Variants in NALCN observed in about 807,000 individuals in gnomAD.
NALCN encodes sodium leak channel NALCN.
Under a neutral mutation model 225.3 loss-of-function variants are expected in NALCN, and 111 were observed. That is an observed-to-expected ratio of 0.49 (90% CI 0.42 to 0.58). The LOEUF is 0.58. Ranked by LOEUF, NALCN falls within the 20% of genes least tolerant of loss-of-function variation. The pLI is 0.00. For missense variants in NALCN, 1,378 were observed against 2,202.4 expected (o/e 0.63, Z 7.49); for synonymous variants, 764 against 769.0 (o/e 0.99, Z 0.11).
intron 7 of NALCN, among the ~76,000 whole-genome samples, chr13:101,343,127 C>T (rs1048209907): frequency 1.3e-5 from 2 of 152,078 alleles, no homozygotes; most frequent in Non-Finnish European, 2.9e-5. Context: ...TTATTTTCCT[C>T]ATTTTGGGCA....
intron 6 of NALCN, among the ~76,000 whole-genome samples, chr13:101,350,864 C>T (rs1263690607): frequency 6.6e-6 from 1 of 152,162 alleles, no homozygotes; most frequent in Non-Finnish European, 1.5e-5. Flanking sequence ...CTTTGGCCTG[C>T]CACATCAGCT....
At chr13:101,201,068 A>G (rs1471610408) in intron 13 of NALCN, among the ~76,000 whole-genome samples, 2 of 152,232 alleles carry the variant, frequency 1.3e-5, no homozygotes, top group African/African-American at 4.8e-5. Flanking sequence ...GTGCATATAA[A>G]TGCTTGAAAG....
chr13:101,411,337 G>C (rs2047778452), intron 1 of NALCN, among the ~76,000 whole-genome samples: 1 of 142,996 alleles, frequency 7.0e-6, no homozygotes, highest in South Asian at 2.3e-4. Flanking sequence ...CCTAAAATAA[G>C]CATCAGACTT....
At chr13:101,354,065 C>T (rs114503212) in intron 6 of NALCN, among the ~76,000 whole-genome samples, 4,907 of 152,172 alleles carry the variant, frequency 0.032, 270 homozygotes, top group African/African-American at 0.11. Flanking sequence ...AAAAGTTGGT[C>T]GGGTGCAGTG....
chr13:101,268,201 G>A (rs536005114), intron 10 of NALCN, among the ~76,000 whole-genome samples: 1 of 152,174 alleles, frequency 6.6e-6, no homozygotes, highest in East Asian at 1.9e-4. Flanking sequence ...ATCTCTGACT[G>A]CAGTGGGAGT....
intron 39 of NALCN, among the ~76,000 whole-genome samples, chr13:101,066,745 G>C (rs1033892754): frequency 5.9e-5 from 9 of 152,278 alleles, no homozygotes; most frequent in Admixed American, 3.3e-4. Flanking sequence ...GGGGTACCAA[G>C]AAGAGGGAGC....
chr13:101,161,165 C>T (rs1566363083), intron 15 of NALCN, among the ~76,000 whole-genome samples: 1 of 152,208 alleles, frequency 6.6e-6, no homozygotes, highest in East Asian at 1.9e-4. Flanking sequence ...ACCTACGCCA[C>T]ATGTCTAGAA....
chr13:101,260,122 T>G (rs1435999193), intron 10 of NALCN, among the ~76,000 whole-genome samples: 1 of 152,134 alleles, frequency 6.6e-6, no homozygotes, highest in African/African-American at 2.4e-5. Context: ...TGAGAACATG[T>G]GATGTTTGTC....
intron 21 of NALCN, 39 bp from the exon 22 acceptor site, chr13:101,107,648 A>G (rs1467291732): frequency 6.2e-7 from 1 of 1,613,930 alleles, no homozygotes; most frequent in Non-Finnish European, 8.5e-7. Flanking sequence ...GGCTAAGGGA[A>G]ATTTTGCCAT....
intron 30 of NALCN, among the ~76,000 whole-genome samples, chr13:101,085,154 T>C (rs2033869449): frequency 6.6e-6 from 1 of 152,202 alleles, no homozygotes; most frequent in South Asian, 2.1e-4. Context: ...TAATGGTTTG[T>C]AGAGATTCTT....
intron 10 of NALCN, among the ~76,000 whole-genome samples, chr13:101,274,231 G>C (rs559053800): frequency 6.8e-6 from 1 of 147,500 alleles, no homozygotes; most frequent in African/African-American, 2.6e-5. Flanking sequence ...GGATAAGAAA[G>C]GTCTTAGAAG....
In NALCN at chr13:101,269,730, A is replaced by G. The variant is rs150352797; in HGVS notation, c.1135-11156T>C. On this transcript the variant is annotated intron_variant, in intron 10 of 43. Coordinates refer to ENST00000251127, the MANE Select transcript of NALCN (RefSeq NM_052867.4). Reference sequence around the variant, plus strand: ...CACAAGAAGACCCAGGGTGATGGTCAACAAAGGAGGCCTCACTATACATGT... The same window carrying G: ...CACAAGAAGACCCAGGGTGATGGTCGACAAAGGAGGCCTCACTATACATGT... Among the ~76,000 whole-genome samples, 1,121 of 152,302 alleles carry G rather than the reference A, an allele frequency of 7.4e-3. 10 individuals are homozygous for G. The highest frequency in any genetic ancestry group is 0.028 in the South Asian group (133 of 4,822).
chr13:101,397,089 TATATATATATATATATATATAC>T (rs1455639352), intron 2 of NALCN, among the ~76,000 whole-genome samples: 27 of 61,758 alleles, frequency 4.4e-4, no homozygotes, highest in East Asian at 2.3e-3. Flanking sequence ...TATATATATA[TATATATATATATATATATATAC>T]ATACACATAC....
chr13:101,166,875 T>C (rs776353300), intron 15 of NALCN, among the ~76,000 whole-genome samples: 1 of 152,216 alleles, frequency 6.6e-6, no homozygotes, highest in Admixed American at 6.5e-5. Flanking sequence ...CCTTAATCCA[T>C]TTTGAGCTAA....
At chr13:101,323,816 C>G (rs983279748) in intron 7 of NALCN, among the ~76,000 whole-genome samples, 9 of 152,206 alleles carry the variant, frequency 5.9e-5, no homozygotes, top group Non-Finnish European at 2.9e-5. Flanking sequence ...ATGCAATCTC[C>G]TTTTCTGGAA....
chr13:101,258,254 C>T (rs923146901), intron 11 of NALCN, among the ~76,000 whole-genome samples, 189 bp downstream of exon 11: 38 of 152,112 alleles, frequency 2.5e-4, no homozygotes, highest in Non-Finnish European at 4.3e-4. Flanking sequence ...ATGACTCAGG[C>T]CCGCGGTGAC....
At chr13:101,344,553 T>A (rs1421507748) in intron 7 of NALCN, among the ~76,000 whole-genome samples, 1 of 152,126 alleles carries the variant, frequency 6.6e-6, no homozygotes, top group African/African-American at 2.4e-5. Context: ...TCTCAAGGCA[T>A]AAAATACTTG....
chr13:101,155,061 T>C lies in NALCN; in HGVS notation c.1840-10165A>G, dbSNP rs74116708. On this transcript the variant is annotated intron_variant, in intron 15 of 43. Coordinates refer to ENST00000251127, the MANE Select transcript of NALCN (RefSeq NM_052867.4). Reference sequence around the variant, plus strand: ...ACAAGGCAACACAGGAGCTAATTTCTATGTTGCATTATTACAGCTTACCAT... The same window carrying C: ...ACAAGGCAACACAGGAGCTAATTTCCATGTTGCATTATTACAGCTTACCAT... Among the ~76,000 whole-genome samples, 415 of 152,318 alleles carry C rather than the reference T, an allele frequency of 2.7e-3. 2 individuals carry two copies. Among genetic ancestry groups the C allele is most frequent in the African/African-American group, 9.0e-3 (376 of 41,570 alleles).
chr13:101,313,376 G>A (rs80057998), intron 7 of NALCN, among the ~76,000 whole-genome samples: 70,735 of 151,920 alleles, frequency 0.47, 16,858 homozygotes, highest in East Asian at 0.68. Flanking sequence ...AAAAGAAACC[G>A]TCATCAGAGT....
Sources: allele counts gnomAD v4.1 joint callset (sites outside exome capture counted in the v4.1 genomes callset), GRCh38; gene constraint gnomAD v4.1.1; transcripts MANE v1.5; gene names NCBI Gene and HGNC (gene_info 2026-07-23, HGNC 2026-07-21).